The following ACOT1 variants were observed in gnomAD, a reference collection of about 807,000 sequenced individuals.
ACOT1 encodes acyl-coenzyme A thioesterase 1.
In ACOT1, 8 loss-of-function variants were observed where a neutral mutation model predicts 15.7. The ratio of observed to expected loss-of-function variants is 0.51; its 90% CI spans 0.30 to 0.92. The LOEUF (loss-of-function observed/expected upper bound fraction) is 0.92, where lower values mean the gene tolerates loss of function less well. Ranked by LOEUF, ACOT1 falls within the 40% of genes least tolerant of loss-of-function variation. ACOT1 has a pLI of 0.06. For synonymous variants in ACOT1, 67 were observed against 241.2 expected, an observed-to-expected ratio of 0.28 and a Z score of 6.69; for missense variants, 151 against 539.4, an observed-to-expected ratio of 0.28 and a Z score of 7.13.
chr14:73,512,357 C>G, the ACOT1 span, among the ~76,000 whole-genome samples: 143 of 152,196 alleles, frequency 9.4e-4, no homozygotes, highest in African/African-American at 3.4e-3. Context: ...CCAGACAAAA[C>G]TTCTCCCAAC....
the ACOT1 span, chr14:73,492,048 T>C: frequency 1.2e-6 from 2 of 1,613,960 alleles, no homozygotes; most frequent in South Asian, 2.2e-5. The surrounding 1 kb of genome is among the most constrained non-coding windows in gnomAD (Gnocchi z 4.9). Context: ...TACGACGACA[T>C]CGAGGCCTTC....
At chr14:73,519,090 G>A in the ACOT1 span, 1 of 1,613,996 alleles carries the variant, frequency 6.2e-7, no homozygotes, top group Non-Finnish European at 8.5e-7. Flanking sequence ...ATAGCTGCTT[G>A]TTGTACCGAT....
the ACOT1 span, among the ~76,000 whole-genome samples, chr14:73,502,525 T>C: frequency 6.6e-6 from 1 of 151,920 alleles, no homozygotes; most frequent in Non-Finnish European, 1.5e-5. Context: ...CAACAAATGC[T>C]GGGTGGCTGG....
the ACOT1 span, among the ~76,000 whole-genome samples, chr14:73,503,205 A>G: frequency 1.2e-4 from 18 of 152,180 alleles, no homozygotes; most frequent in Admixed American, 1.3e-4. Context: ...AGATGATAGA[A>G]TGGAGGCTTT....
chr14:73,496,522 A>G, the ACOT1 span: 1 of 837,456 alleles, frequency 1.2e-6, no homozygotes, highest in Non-Finnish European at 2.1e-6. Context: ...GGGTATGTAC[A>G]TGTTTGAGGA....
At chr14:73,524,309 AAATATAT>A in the ACOT1 span, among the ~76,000 whole-genome samples, 25 of 99,738 alleles carry the variant, frequency 2.5e-4, no homozygotes, top group Non-Finnish European at 5.1e-4. Context: ...AAAAAAAAAA[AAATATAT>A]ATATATATAT....
chr14:73,531,441 G>A, the ACOT1 span, among the ~76,000 whole-genome samples: 4 of 93,788 alleles, frequency 4.3e-5, no homozygotes, highest in Non-Finnish European at 8.9e-5. Flanking sequence ...TTTTTTTTGC[G>A]AGGGAGTCTC....
At chr14:73,492,287 C>A in the ACOT1 span, 1 of 1,614,028 alleles carries the variant, frequency 6.2e-7, no homozygotes, top group Non-Finnish European at 8.5e-7. This position sits in a 1 kb window ranked among gnomAD's most constrained non-coding sequence, Gnocchi z 4.9. Flanking sequence ...GTCCACGTAC[C>A]AGCGCAATAC....
chr14:73,502,253 G>A, the ACOT1 span, among the ~76,000 whole-genome samples: 2 of 151,928 alleles, frequency 1.3e-5, no homozygotes, highest in Admixed American at 6.6e-5. Context: ...GCCACGCTGA[G>A]TATTCCATTT....
At chr14:73,511,560 TAAATA>T in the ACOT1 span, among the ~76,000 whole-genome samples, 2,191 of 88,970 alleles carry the variant, frequency 0.025, 26 homozygotes, top group African/African-American at 0.058. Flanking sequence ...AATAAATAAA[TAAATA>T]AAATAAAATA....
the ACOT1 span, chr14:73,508,113 G>C: frequency 6.2e-7 from 1 of 1,610,746 alleles, no homozygotes; most frequent in Non-Finnish European, 8.5e-7. Context: ...AACTGTGTCT[G>C]ACCCGGTAAT....
the ACOT1 span, among the ~76,000 whole-genome samples, chr14:73,500,277 AC>A: frequency 2.1e-5 from 3 of 143,478 alleles, no homozygotes; most frequent in African/African-American, 8.0e-5. Context: ...TTATGCACGG[AC>A]CTTTTTTTTT....
At chr14:73,511,685 G>A in the ACOT1 span, among the ~76,000 whole-genome samples, 1 of 152,056 alleles carries the variant, frequency 6.6e-6, no homozygotes, top group Non-Finnish European at 1.5e-5. Context: ...GACTAGCCTG[G>A]TCAACATAGC....
chr14:73,529,632 T>G, the ACOT1 span, among the ~76,000 whole-genome samples: 4 of 152,136 alleles, frequency 2.6e-5, no homozygotes, highest in Admixed American at 1.3e-4. Flanking sequence ...TCTCAGAGAT[T>G]CCAAATTTAG....
At chr14:73,492,558 T>C in the ACOT1 span, 7 of 1,613,882 alleles carry the variant, frequency 4.3e-6, no homozygotes, top group Non-Finnish European at 5.9e-6. The surrounding 1 kb of genome is among the most constrained non-coding windows in gnomAD (Gnocchi z 4.9). Flanking sequence ...CCCCCTGTTT[T>C]GACTGATAGG....
At chr14:73,514,082 G>A in the ACOT1 span, 1 of 1,614,172 alleles carries the variant, frequency 6.2e-7, no homozygotes, top group Non-Finnish European at 8.5e-7. Context: ...AGGACCACCA[G>A]TTCCCAGGTC....
chr14:73,541,361 T>C lies in ACOT1; in HGVS notation c.458-132T>C. ...TTCTGGACGAACACAGGTTTTCATT[T>C]CTCGTGGGTAGATACCTAGGAGTGG... is the stretch of plus-strand genomic sequence containing the variant. On this transcript the variant is annotated intron_variant, in intron 1 of 2. Transcript: ENST00000311148. 2 of 775,036 alleles carry C rather than the reference T, an allele frequency of 2.6e-6. 1 individual carries two copies. The highest frequency in any genetic ancestry group is 3.8e-6 in the Non-Finnish European group (2 of 529,166). 48.0% of individuals were successfully genotyped at this position (775,036 alleles called of 1,614,324 possible).
the ACOT1 span, among the ~76,000 whole-genome samples, chr14:73,503,625 CTCTTT>C: frequency 6.6e-6 from 1 of 151,948 alleles, no homozygotes; most frequent in African/African-American, 2.4e-5. Context: ...TCCTTCCTAT[CTCTTT>C]TATTAAAAAT....
chr14:73,493,566 C>T, the ACOT1 span, among the ~76,000 whole-genome samples: 21 of 152,108 alleles, frequency 1.4e-4, no homozygotes, highest in East Asian at 2.9e-3. Context: ...AGGCTGGGTG[C>T]GGTACTCATG....
Sources: allele counts gnomAD v4.1 joint callset (sites outside exome capture counted in the v4.1 genomes callset), GRCh38; gene constraint gnomAD v4.1.1; non-coding constraint Gnocchi (gnomAD v3.1); transcripts MANE v1.5; gene names NCBI Gene and HGNC (gene_info 2026-07-23, HGNC 2026-07-21).